The following RAB33A variants were observed in gnomAD, a reference collection of about 807,000 sequenced individuals.
The protein encoded by RAB33A is ras-related protein Rab-33A.
A neutral mutation model predicts 12.0 loss-of-function variants in RAB33A; 6 were observed. The observed-to-expected ratio is 0.50, with a 90% CI of 0.27 to 0.99. The LOEUF is 0.99. Among genes scored for constraint, RAB33A ranks in the 50% least tolerant of loss-of-function variants. RAB33A has a pLI of 0.11. For synonymous variants in RAB33A, 70 were observed against 82.4 expected (o/e 0.85, Z 0.81); for missense variants, 109 against 192.0 (o/e 0.57, Z 2.55).
At chrX:130,140,409 ACACT>A in the RAB33A span, 1 of 592,815 alleles carries the variant, frequency 1.7e-6, no homozygotes, top group Non-Finnish European at 2.9e-6. Context: ...CCAAGAGAAG[ACACT>A]CACTTCAGAG....
At chrX:130,122,059 C>T in the RAB33A span, among the ~76,000 whole-genome samples, 1 of 112,204 alleles carries the variant, frequency 8.9e-6, no homozygotes, top group African/African-American at 3.2e-5. Context: ...GGCCCTTTCT[C>T]CTGGAACTTG....
the RAB33A span, among the ~76,000 whole-genome samples, chrX:130,111,605 G>T: frequency 8.9e-6 from 1 of 112,217 alleles, no homozygotes; most frequent in Non-Finnish European, 1.9e-5. Context: ...CCTGCGGGAA[G>T]TTGGGGTGGG....
At chrX:130,112,166 G>T in the RAB33A span, among the ~76,000 whole-genome samples, 4 of 112,178 alleles carry the variant, frequency 3.6e-5, no homozygotes, top group African/African-American at 1.3e-4. Context: ...AGATCCTGTG[G>T]CTGGACTGGG....
chrX:130,115,654 A>AG, the RAB33A span, among the ~76,000 whole-genome samples: 3 of 94,155 alleles, frequency 3.2e-5, no homozygotes, highest in African/African-American at 1.2e-4. Flanking sequence ...AAAAAGAAAG[A>AG]AAGAGAGAAA....
chrX:130,120,860 GC>G, the RAB33A span, among the ~76,000 whole-genome samples: 6 of 113,284 alleles, frequency 5.3e-5, no homozygotes, highest in Non-Finnish European at 9.4e-5. Flanking sequence ...GCGCCCGGGC[GC>G]CTCTGCAGCG....
At chrX:130,136,837 T>C in the RAB33A span, 1 of 1,020,995 alleles carries the variant, frequency 9.8e-7, no homozygotes. Flanking sequence ...CAATTATCAG[T>C]ACACAGGCAG....
At chrX:130,155,185 C>A in the RAB33A span, 1 of 1,211,640 alleles carries the variant, frequency 8.3e-7, no homozygotes. Context: ...GTGACTGTTG[C>A]TCCTACAATT....
the RAB33A span, chrX:130,147,600 A>G: frequency 8.2e-7 from 1 of 1,212,285 alleles, no homozygotes; most frequent in East Asian, 3.0e-5. Flanking sequence ...ACGGCAGCTC[A>G]GGATCTTCAG....
At chrX:130,175,033 AAGCAAAGAGCCCAG>A in intron 1 of RAB33A, among the ~76,000 whole-genome samples, 1 of 111,718 alleles carries the variant, frequency 9.0e-6, no homozygotes, top group East Asian at 2.8e-4. Context: ...TGTATTGAAT[AAGCAAAGAGCCCAG>A]GCTAGGCACT....
At chrX:130,110,877 C>G in the RAB33A span, among the ~76,000 whole-genome samples, 6 of 1,094 alleles carry the variant, frequency 5.5e-3, no homozygotes, top group Non-Finnish European at 0.017. Context: ...AACGAGCGAG[C>G]GAAAGGGGAA....
the RAB33A span, among the ~76,000 whole-genome samples, chrX:130,113,716 G>T: frequency 1.8e-5 from 2 of 111,708 alleles, no homozygotes; most frequent in Non-Finnish European, 3.8e-5. Context: ...GAGCCACCGC[G>T]CCTGGCCCTA....
the RAB33A span, chrX:130,140,762 T>C: frequency 7.9e-5 from 40 of 506,830 alleles, no homozygotes; most frequent in South Asian, 1.0e-3. Flanking sequence ...TGTGCCACCA[T>C]CACCACTATC....
At chrX:130,127,710 GAT>G in the RAB33A span, among the ~76,000 whole-genome samples, 1 of 30,257 alleles carries the variant, frequency 3.3e-5, no homozygotes, top group African/African-American at 4.7e-4. Flanking sequence ...TTTTTTTTGA[GAT>G]GGAATATTGC....
the RAB33A span, among the ~76,000 whole-genome samples, chrX:130,153,502 T>TA: frequency 9.0e-6 from 1 of 111,493 alleles, no homozygotes; most frequent in Non-Finnish European, 1.9e-5. Context: ...AGAAAAAAGT[T>TA]ACGAAGAAAC....
the RAB33A span, among the ~76,000 whole-genome samples, chrX:130,116,970 TTGGGAGGCCAAGG>T: frequency 8.9e-6 from 1 of 112,050 alleles, no homozygotes; most frequent in African/African-American, 3.2e-5. Context: ...TCCCAGCACT[TTGGGAGGCCAAGG>T]TGGGCGGATC....
At chrX:130,161,942 C>A in the RAB33A span, among the ~76,000 whole-genome samples, 2 of 111,840 alleles carry the variant, frequency 1.8e-5, no homozygotes, top group Non-Finnish European at 3.8e-5. Flanking sequence ...TCAACCCTTG[C>A]TGGAATTTTA....
At chrX:130,110,680 C>T in the RAB33A span, 1 of 107,886 alleles carries the variant, frequency 9.3e-6, no homozygotes, top group Non-Finnish European at 1.9e-5. Context: ...ACACTTCGCG[C>T]CGCCAATGGC....
chrX:130,165,598 A>C, the RAB33A span: 1 of 1,202,187 alleles, frequency 8.3e-7, no homozygotes, highest in Non-Finnish European at 1.1e-6. Flanking sequence ...CACGGTCCGC[A>C]CCAAGGGCAC....
the RAB33A span, chrX:130,156,541 A>C: frequency 1.7e-6 from 2 of 1,209,866 alleles, no homozygotes; most frequent in South Asian, 3.5e-5. Context: ...GATGCACCAG[A>C]GCTAGCCATT....
Sources: allele counts gnomAD v4.1 joint callset (sites outside exome capture counted in the v4.1 genomes callset), GRCh38; gene constraint gnomAD v4.1.1; transcripts MANE v1.5; gene names NCBI Gene and HGNC (gene_info 2026-07-23, HGNC 2026-07-21).